The following ARHGEF3 variants were observed in gnomAD, a reference collection of about 807,000 sequenced individuals.
ARHGEF3 encodes the protein Rho guanine nucleotide exchange factor 3.
A neutral mutation model predicts 63.2 loss-of-function variants in ARHGEF3; 28 were observed. That is an observed-to-expected ratio of 0.44 (90% CI 0.33 to 0.61). The LOEUF is 0.61. Ranked by LOEUF, ARHGEF3 falls within the 20% of genes least tolerant of loss-of-function variation. The pLI, the probability that ARHGEF3 is intolerant of heterozygous loss-of-function variation, is 0.03. For synonymous variants in ARHGEF3, 266 were observed against 254.2 expected (o/e 1.05, Z -0.44); for missense variants, 533 against 659.3 (o/e 0.81, Z 2.10).
chr3:57,011,185 T>A (rs975441792), intron 2 of ARHGEF3, among the ~76,000 whole-genome samples: 2 of 152,066 alleles, frequency 1.3e-5, no homozygotes, highest in African/African-American at 4.8e-5. Context: ...AGAAGCACAG[T>A]TGATGAAAAC....
At chr3:56,795,655 C>CTCTCTTTTTTT (rs57400467) in intron 1 of ARHGEF3, among the ~76,000 whole-genome samples, 28 of 130,566 alleles carry the variant, frequency 2.1e-4, no homozygotes, top group Middle Eastern at 4.3e-3. Context: ...GTCTCTCTCT[C>CTCTCTTTTTTT]TTTTTTTTTT....
chr3:56,959,311 C>A (rs1261226098), intron 2 of ARHGEF3, among the ~76,000 whole-genome samples: 1 of 152,110 alleles, frequency 6.6e-6, no homozygotes, highest in Non-Finnish European at 1.5e-5. Flanking sequence ...ACAAGGGGTA[C>A]ATTTGAGCTC....
chr3:56,933,269 T>A (rs2042459838), intron 3 of ARHGEF3, among the ~76,000 whole-genome samples: 1 of 152,192 alleles, frequency 6.6e-6, no homozygotes, highest in African/African-American at 2.4e-5. Context: ...CATCTCTCCA[T>A]ATGCAGCAGG....
At chr3:56,786,637 C>T (rs1311885212) in intron 1 of ARHGEF3, among the ~76,000 whole-genome samples, 1 of 152,152 alleles carries the variant, frequency 6.6e-6, no homozygotes, top group East Asian at 1.9e-4. Context: ...ATAGTGATTA[C>T]GTGTTATTTT....
At chr3:57,050,158 C>T (rs1310662173) in intron 1 of ARHGEF3, among the ~76,000 whole-genome samples, 1 of 152,180 alleles carries the variant, frequency 6.6e-6, no homozygotes, top group East Asian at 1.9e-4. Flanking sequence ...CTTCTCTCAG[C>T]CCCTGCTGCT....
chr3:56,768,414 TA>T (rs1365084032), intron 2 of ARHGEF3, among the ~76,000 whole-genome samples: 19 of 146,416 alleles, frequency 1.3e-4, no homozygotes, highest in South Asian at 2.2e-4. Context: ...GAAGGTAATT[TA>T]AAAAAAAAAG....
At chr3:56,878,516 G>A (rs1431700837) in intron 4 of ARHGEF3, among the ~76,000 whole-genome samples, 2 of 152,154 alleles carry the variant, frequency 1.3e-5, no homozygotes, top group Non-Finnish European at 2.9e-5. Flanking sequence ...TCCACCAAGT[G>A]CTGGGAGTTG....
At chr3:56,999,931 T>C (rs1203100206) in intron 2 of ARHGEF3, among the ~76,000 whole-genome samples, 1 of 152,156 alleles carries the variant, frequency 6.6e-6, no homozygotes, top group Non-Finnish European at 1.5e-5. Context: ...GCTTAAACCA[T>C]AGGAAACAAG....
chr3:56,874,986 G>C (rs2040539127), intron 4 of ARHGEF3, among the ~76,000 whole-genome samples: 1 of 152,150 alleles, frequency 6.6e-6, no homozygotes, highest in Non-Finnish European at 1.5e-5. Context: ...ATTCATATTA[G>C]CCTGCTATAG....
chr3:56,786,665 T>TTG lies in ARHGEF3; in HGVS notation c.97-12850_97-12849insCA, dbSNP rs1435767654. ...GTTATTTTGAACTCTCAGCAATTAA[T>TTG]ATGCAACCAGATGTATCATTATCTA... is the stretch of plus-strand genomic sequence containing the variant. On this transcript the variant is annotated intron_variant, in intron 1 of 9. Coordinates refer to ENST00000296315, the MANE Select transcript of ARHGEF3 (RefSeq NM_019555.3). 6.7e-4 allele frequency among the ~76,000 whole-genome samples: 102 copies of TTG among 152,316 alleles called. 1 individual carries two copies. In the South Asian group the frequency reaches 0.017, roughly 25 times the overall value.
intron 2 of ARHGEF3, among the ~76,000 whole-genome samples, chr3:57,002,479 T>TTATATATATATATATGTTATATA (rs1560122743): frequency 0.044 from 1,739 of 39,390 alleles, 232 homozygotes; most frequent in East Asian, 0.19. Flanking sequence ...TATATATATG[T>TTATATATATATATATGTTATATA]TATATATATA....
At chr3:56,924,507 G>C (rs959834703) in intron 3 of ARHGEF3, among the ~76,000 whole-genome samples, 2 of 152,198 alleles carry the variant, frequency 1.3e-5, no homozygotes, top group Non-Finnish European at 2.9e-5. Flanking sequence ...TATTAGGAAA[G>C]TAAAGGAATA....
intron 3 of ARHGEF3, among the ~76,000 whole-genome samples, chr3:56,906,845 AAAAGAAAG>A (rs1295502057): frequency 2.0e-5 from 3 of 151,860 alleles, no homozygotes; most frequent in Non-Finnish European, 4.4e-5. Context: ...TCAAAAAAAA[AAAAGAAAG>A]AAAGAAAGAA....
At chr3:56,751,460 T>C (rs1292896670) in intron 4 of ARHGEF3, 64 bp from the exon 5 acceptor site, 2 of 1,406,720 alleles carry the variant, frequency 1.4e-6, no homozygotes, top group Non-Finnish European at 2.0e-6. Flanking sequence ...ATTGTTCATG[T>C]AAGTGGCTCC....
intron 2 of ARHGEF3, among the ~76,000 whole-genome samples, chr3:56,968,777 T>C (rs1700779809): frequency 6.6e-6 from 1 of 152,186 alleles, no homozygotes; most frequent in Non-Finnish European, 1.5e-5. Flanking sequence ...ATACCAAGCC[T>C]TCAAAATCCA....
chr3:56,921,133 G>A (rs1330842756), intron 3 of ARHGEF3, among the ~76,000 whole-genome samples: 1 of 148,514 alleles, frequency 6.7e-6, no homozygotes, highest in Non-Finnish European at 1.5e-5. Flanking sequence ...GGGAGGCAGA[G>A]ACATGAGGAT....
intron 1 of ARHGEF3, among the ~76,000 whole-genome samples, chr3:56,784,554 T>G (rs2036710134): frequency 6.6e-6 from 1 of 152,184 alleles, no homozygotes; most frequent in Admixed American, 6.5e-5. Context: ...CTTGGAAACC[T>G]TTGGGTGGAA....
chr3:56,818,921 A>T (rs978896126), intron 4 of ARHGEF3, among the ~76,000 whole-genome samples: 1 of 152,232 alleles, frequency 6.6e-6, no homozygotes, highest in African/African-American at 2.4e-5. Context: ...AAGGTAACGA[A>T]AAAAACTATT....
chr3:56,968,285 A>ATT (rs1260046945), intron 2 of ARHGEF3, among the ~76,000 whole-genome samples: 10 of 38,332 alleles, frequency 2.6e-4, no homozygotes, highest in Admixed American at 5.8e-4. Context: ...TAAAATATAT[A>ATT]TAATATATAT....
Sources: gnomAD v4.1 joint callset for allele counts (sites outside exome capture counted in the v4.1 genomes callset) on GRCh38, gnomAD v4.1.1 for gene constraint, MANE v1.5 for transcripts, NCBI Gene and HGNC (gene_info 2026-07-23, HGNC 2026-07-21) for gene names.